CFAP65: variants seen among roughly 807,000 people sequenced by gnomAD.
CFAP65 encodes the protein cilia- and flagella-associated protein 65.
In CFAP65, 155 loss-of-function variants were observed where a neutral mutation model predicts 208.0. The observed-to-expected ratio is 0.75, with a 90% CI of 0.65 to 0.85. The LOEUF is 0.85. Ranked by LOEUF, CFAP65 falls within the 40% of genes least tolerant of loss-of-function variation. CFAP65 has a pLI of 0.00. For missense variants in CFAP65, 2,294 were observed against 2,451.3 expected, an observed-to-expected ratio of 0.94 and a Z score of 1.36; for synonymous variants, 970 against 986.3, an observed-to-expected ratio of 0.98 and a Z score of 0.31.
chr2:219,016,688 C>T (rs1946907506), intron 21 of CFAP65, among the ~76,000 whole-genome samples: 1 of 152,200 alleles, frequency 6.6e-6, no homozygotes, highest in Non-Finnish European at 1.5e-5. Context: ...TGGAGAACCA[C>T]AACGGCCTCC....
chr2:219,010,876 C>T lies in CFAP65; in HGVS notation c.4078G>A (p.Gly1360Arg), dbSNP rs762244614. The T allele has an allele frequency of 6.2e-7, 1 of 1,613,778 alleles. No individual in the cohort carries two copies. Among genetic ancestry groups the T allele is most frequent in the Admixed American group, 1.7e-5 (1 of 60,028 alleles). Residue 1360 changes from glycine (G) to arginine (R), a missense_variant, in exon 25 of 35, where the codon GGG becomes AGG. By Grantham distance (125) the Gly-to-Arg change is moderately radical. Around this residue, in one of 2 missense-constraint regions of CFAP65, gnomAD observed 1,427 missense variants for 1,438.7 expected, o/e 0.99. Coordinates refer to ENST00000341552, the MANE Select transcript of CFAP65 (RefSeq NM_194302.4). Reference protein sequence around the residue: ...HPIFCCLNPKGEIQPGSTARV... With the variant: ...HPIFCCLNPKREIQPGSTARV... ...GCAGTGCTGCCTGGCTGGATCTCCC[C>T]TTTGGGGTTGAGGCAGCAAAAGATG...
intron 22 of CFAP65, 128 bp downstream of exon 22, chr2:219,013,740 C>A: frequency 8.6e-7 from 1 of 1,157,962 alleles, no homozygotes. Flanking sequence ...ATTAGACCTC[C>A]TCTGCAGGTG....
At chr2:219,030,296 T>C (rs2106226841) in intron 9 of CFAP65, 88 bp from the exon 10 acceptor site, 1 of 1,374,342 alleles carries the variant, frequency 7.3e-7, no homozygotes, top group Non-Finnish European at 1.0e-6. Flanking sequence ...CTGGCGTGCC[T>C]AGCCAAGGGG....
intron 26 of CFAP65, 92 bp from the exon 27 acceptor site, chr2:219,010,177 G>T: frequency 7.8e-7 from 1 of 1,273,890 alleles, no homozygotes; most frequent in Non-Finnish European, 1.1e-6. Context: ...GCCAAGGTGG[G>T]AGGATCACGA....
At chr2:219,041,411 C>T in intron 1 of CFAP65, 77 bp downstream of exon 1, 2 of 1,485,974 alleles carry the variant, frequency 1.3e-6, no homozygotes, top group South Asian at 1.2e-5. Context: ...TAGGGTCTCC[C>T]GGGACAGATA....
At chr2:219,022,104 G>GGGAGGTTCCCTT in intron 17 of CFAP65, 67 bp downstream of exon 17, 1 of 1,510,124 alleles carries the variant, frequency 6.6e-7, no homozygotes, top group African/African-American at 1.4e-5. Context: ...GAGGTTCCCT[G>GGGAGGTTCCCTT]GGGCCTTCCC....
Position 219,016,415 on chromosome 2 carries a change from C to T in CFAP65, c.3603-2371G>A, listed in dbSNP as rs936581146. Among the ~76,000 whole-genome samples the T allele has an allele frequency of 3.3e-5, 5 of 151,648 alleles. 1 individual carries two copies. Among genetic ancestry groups the T allele is most frequent in the Non-Finnish European group, 7.4e-5 (5 of 67,990 alleles). On this transcript the variant is annotated intron_variant, in intron 21 of 34. Transcript: ENST00000341552. Reference sequence around the variant, plus strand: ...GTTTAAGCAATTCTCCTGCCTCAGCCTCCTGAGTAGCTGGGATTACAGGTG... The same window carrying T: ...GTTTAAGCAATTCTCCTGCCTCAGCTTCCTGAGTAGCTGGGATTACAGGTG...
chr2:219,025,956 C>T, intron 14 of CFAP65, 66 bp downstream of exon 14: 2 of 1,582,728 alleles, frequency 1.3e-6, no homozygotes, highest in East Asian at 4.5e-5. Context: ...GGAGAGGGAT[C>T]TGCAGGCCAA....
At chr2:219,026,388 G>A (rs566821044) in intron 13 of CFAP65, among the ~76,000 whole-genome samples, 6 of 152,256 alleles carry the variant, frequency 3.9e-5, no homozygotes, top group South Asian at 4.1e-4. Context: ...CTCACAACCC[G>A]GGAGGAGGGT....
chr2:219,004,152 T>C lies in CFAP65; in HGVS notation c.5355A>G (p.Thr1785=). The C allele has an allele frequency of 1.2e-6, 2 of 1,613,884 alleles. No homozygotes were observed. Among genetic ancestry groups the C allele is most frequent in the African/African-American group, 1.3e-5 (1 of 75,006 alleles). The change falls in exon 33 of 35, where the codon ACA becomes ACG. Residue 1785 remains threonine, a synonymous_variant. Coordinates refer to ENST00000341552, the MANE Select transcript of CFAP65 (RefSeq NM_194302.4). This position sits in a 1 kb window ranked among gnomAD's most constrained non-coding sequence, Gnocchi z 4.7. Reference sequence around the variant, plus strand: ...CCTCCTTGCCCAACTCCTCCTCTTCTGTCTCCTCTTCTTCCTCCTCTTCCT... The same window carrying C: ...CCTCCTTGCCCAACTCCTCCTCTTCCGTCTCCTCTTCTTCCTCCTCTTCCT... The part of the protein sequence containing the change: ...LEEEEEEEEE[T]EEEELGKEEI...
At position 219,004,686 on chromosome 2, in the gene CFAP65, C is replaced by A. The variant is rs1945808723; in HGVS notation, c.5052-231G>T. On this transcript the variant is annotated intron_variant, in intron 32 of 34. Transcript: ENST00000341552. This position sits in a 1 kb window ranked among gnomAD's most constrained non-coding sequence, Gnocchi z 4.7. ...AGGCAGGGCAGGTCAGATTCACACA[C>A]ATGATGGGCAGGAACCCTGGGGAGA... 6.6e-6 allele frequency among the ~76,000 whole-genome samples: 1 copy of A among 152,152 alleles called. No homozygotes were observed. Among genetic ancestry groups the A allele is most frequent in the Admixed American group, 6.5e-5 (1 of 15,284 alleles).
rs763055198 is a variant in CFAP65, at chr2:219,026,135, C to T, written c.2236G>A (p.Glu746Lys). The change falls in exon 14 of 35, where the codon GAG becomes AAG. Residue 746 changes from glutamate (E) to lysine (K), a missense_variant. Physicochemically the swap from Glu to Lys is moderately conservative, Grantham distance 56 (BLOSUM62 1). Around this residue, in one of 2 missense-constraint regions of CFAP65, gnomAD observed 867 missense variants for 1,012.6 expected, o/e 0.86. Coordinates refer to ENST00000341552, the MANE Select transcript of CFAP65 (RefSeq NM_194302.4). ...YKVLQSYSNI[E>K]EDCTMCPSWC... ...GATGGGCACATGGTGCAGTCCTCCT[C>T]AATATTACTGTAGCTCTGCAGGACC... is the stretch of plus-strand genomic sequence containing the variant. 4 of 1,613,626 alleles carry T rather than the reference C, an allele frequency of 2.5e-6. No individual in the cohort carries two copies. The highest frequency in any genetic ancestry group is 2.5e-6 in the Non-Finnish European group (3 of 1,179,720).
In CFAP65 at chr2:219,003,319, C is replaced by T; in HGVS notation, c.5556-47G>A. The T allele has an allele frequency of 2.7e-6, 4 of 1,477,460 alleles. No individual in the cohort carries two copies. The highest frequency in any genetic ancestry group is 2.7e-6 in the Non-Finnish European group (3 of 1,113,204). The allele number at this position is 1,477,460 out of a possible 1,614,324, so 91.5% of individuals were successfully genotyped here. On this transcript the variant is annotated intron_variant, in intron 33 of 34. Coordinates refer to ENST00000341552, the MANE Select transcript of CFAP65 (RefSeq NM_194302.4). This position sits in a 1 kb window ranked among gnomAD's most constrained non-coding sequence, Gnocchi z 4.4. ...CATGAGGGCGGCCGCAGTGCCCGCG[C>T]GCCTCCTCGCTCGCCTGTCCGTGCG...
In CFAP65 at chr2:219,009,937, C is replaced by A; in HGVS notation, c.4452+5G>T. On this transcript the variant is annotated splice_donor_5th_base_variant and intron_variant, in intron 27 of 34. Coordinates refer to ENST00000341552, the MANE Select transcript of CFAP65 (RefSeq NM_194302.4). ...TGGAGGTTCCAGGGCTCAGGGGACTCTCACCTCCCCAAAATCTAGAGGACT... is the reference window on the plus strand; with the variant it reads ...TGGAGGTTCCAGGGCTCAGGGGACTATCACCTCCCCAAAATCTAGAGGACT... 6.2e-7 allele frequency: 1 copy of A among 1,605,448 alleles called. No individual in the cohort carries two copies. The highest frequency in any genetic ancestry group is 1.1e-5 in the South Asian group (1 of 89,328).
rs534584673 is a variant in CFAP65 at position 219,028,159 on chromosome 2, A to G, written c.1851+42T>C. The G allele has an allele frequency of 2.6e-5, 41 of 1,603,484 alleles. No individual in the cohort carries two copies. The South Asian group carries it at 4.3e-4, about 17-fold the overall frequency. ...CCCTGGGGGCATGGGATTGCCCAAG[A>G]ATCACTAGAGAAGGGATATGCAGCT... On this transcript the variant is annotated intron_variant, in intron 12 of 34. Coordinates refer to ENST00000341552, the MANE Select transcript of CFAP65 (RefSeq NM_194302.4).
At chr2:219,018,871 C>T in intron 21 of CFAP65, 180 bp downstream of exon 21, 2 of 760,252 alleles carry the variant, frequency 2.6e-6, no homozygotes, top group East Asian at 5.0e-5. Flanking sequence ...CGGTGACAGG[C>T]CCGGAGTCCT....
Position 219,010,933 on chromosome 2 carries a change from AC to A in CFAP65, c.4020del (p.Ser1341HisfsTer69), listed in dbSNP as rs1559122897. On this transcript the variant is annotated frameshift_variant, in exon 25 of 35. Coordinates refer to ENST00000341552, the MANE Select transcript of CFAP65 (RefSeq NM_194302.4). LOFTEE classifies it high-confidence loss of function. ...TCAAAATTTTTTTCCTGAACCTGTG[AC>A]AGGACATCGGTCTGGACCTCATATG... ...PVTYEVQTDV[L>X]SQVQEKNFDH... The A allele has an allele frequency of 6.2e-7, 1 of 1,613,892 alleles. No homozygotes were observed. The highest frequency in any genetic ancestry group is 1.1e-5 in the South Asian group (1 of 91,080).
At chr2:219,039,952 G>T (rs1177038289) in intron 2 of CFAP65, among the ~76,000 whole-genome samples, 5 of 152,112 alleles carry the variant, frequency 3.3e-5, no homozygotes, top group Non-Finnish European at 7.3e-5. Context: ...AAATAATAAT[G>T]TCTATTAACA....
chr2:219,024,668 G>A (rs947125537), intron 14 of CFAP65, among the ~76,000 whole-genome samples: 3 of 152,216 alleles, frequency 2.0e-5, no homozygotes, highest in Non-Finnish European at 4.4e-5. Context: ...TGGGTGTGGT[G>A]GCTCCTGCCT....
Sources: gnomAD v4.1 joint callset for allele counts (sites outside exome capture counted in the v4.1 genomes callset) on GRCh38, gnomAD v4.1.1 for gene constraint, gnomAD v4.1.1 regional missense constraint, Gnocchi (gnomAD v3.1) non-coding constraint, MANE v1.5 for transcripts, NCBI Gene and HGNC (gene_info 2026-07-23, HGNC 2026-07-21) for gene names.